PLK4: variants seen among roughly 807,000 people sequenced by gnomAD.
PLK4 encodes serine/threonine-protein kinase PLK4.
PLK4 carries 51 observed loss-of-function variants against 103.0 expected under a neutral mutation model. The ratio of observed to expected loss-of-function variants is 0.50; its 90% CI spans 0.40 to 0.63. The LOEUF (loss-of-function observed/expected upper bound fraction) is 0.63. PLK4 is among the 20% of genes least tolerant of loss of function. PLK4 has a pLI of 0.00. For missense variants in PLK4, 1,054 were observed against 1,151.0 expected (o/e 0.92, Z 1.22); for synonymous variants, 389 against 376.8 (o/e 1.03, Z -0.38).
At position 127,880,921 on chromosome 4, in the gene PLK4, G is replaced by A. The variant is rs1300820866; in HGVS notation, c.-214G>A. 3.4e-6 allele frequency: 2 copies of A among 590,184 alleles called. No individual in the cohort carries two copies. Among genetic ancestry groups the A allele is most frequent in the Admixed American group, 6.0e-5 (2 of 33,428 alleles). 36.6% of individuals were successfully genotyped at this position (590,184 alleles called of 1,614,324 possible). A position where few individuals can be genotyped will look rare whatever the true frequency, so the allele number is the denominator to read the frequency against. On this transcript the variant is annotated 5_prime_UTR_variant, in exon 1 of 16. Coordinates refer to ENST00000270861, the MANE Select transcript of PLK4 (RefSeq NM_014264.5). ...ACCAGCCTAGCTCGGACGGCAAGCG[G>A]CGGGAGATTTTCAAAATGGGAGCCC... is the stretch of plus-strand genomic sequence containing the variant.
intron 7 of PLK4, chr4:127,890,851 G>T (rs1735329373): frequency 3.2e-6 from 1 of 312,452 alleles, no homozygotes; most frequent in Non-Finnish European, 5.8e-6. Context: ...TCTACCTTCT[G>T]TTTGCTTTCT....
chr4:127,884,476 G>T (rs564553379), intron 4 of PLK4, among the ~76,000 whole-genome samples: 30 of 152,224 alleles, frequency 2.0e-4, no homozygotes, highest in East Asian at 1.7e-3. Flanking sequence ...TCTTGATAAT[G>T]ACTACTGCAG....
rs540017288 is a variant in PLK4 at position 127,898,777 on chromosome 4, C to T, written c.*236C>T. On this transcript the variant is annotated 3_prime_UTR_variant, in exon 16 of 16. Coordinates refer to ENST00000270861, the MANE Select transcript of PLK4 (RefSeq NM_014264.5). The stretch of plus-strand genomic sequence containing the variant: ...GACTTTGCTCTTAGACCATAACCCC[C>T]GAACTTACTATGTTCATATATTTGT... 10 of 349,180 alleles carry T rather than the reference C, an allele frequency of 2.9e-5. No homozygotes were observed. The highest frequency in any genetic ancestry group is 9.0e-5 in the Admixed American group (2 of 22,314). The allele number at this position is 349,180 out of a possible 1,614,324, so 21.6% of individuals were successfully genotyped here.
chr4:127,883,233 C>A, intron 2 of PLK4, 29 bp from the exon 3 acceptor site: 1 of 1,116,738 alleles, frequency 9.0e-7, no homozygotes, highest in African/African-American at 1.6e-5. Flanking sequence ...ATTTGAAAGT[C>A]TGTCAACATT....
Position 127,891,112 on chromosome 4 carries a change from G to T in PLK4, c.1851G>T (p.Glu617Asp). Residue 617 changes from glutamate (E) to aspartate (D), a missense_variant, in exon 8 of 16, where the codon GAG becomes GAT. This residue lies in a region of PLK4 where 680 missense variants were observed against 660.3 expected (regional missense o/e 1.03). Coordinates refer to ENST00000270861, the MANE Select transcript of PLK4 (RefSeq NM_014264.5). ...KKAVVSILDS[E>D]EVCVELVKEY... ...TTTAGGTGAGCATACTTGATTCAGAGGAGGTGTGTGTGGAGCTTGTAAAGG... is the reference window on the plus strand; with the variant it reads ...TTTAGGTGAGCATACTTGATTCAGATGAGGTGTGTGTGGAGCTTGTAAAGG... The T allele has an allele frequency of 6.3e-7, 1 of 1,581,572 alleles. No homozygotes were observed. Among genetic ancestry groups the T allele is most frequent in the Non-Finnish European group, 8.6e-7 (1 of 1,159,278 alleles).
At chr4:127,883,600 T>C (rs772287054) in intron 4 of PLK4, 47 bp downstream of exon 4, 1 of 817,402 alleles carries the variant, frequency 1.2e-6, no homozygotes, top group South Asian at 1.6e-5. Flanking sequence ...TGGATAAAAG[T>C]TTTGCATTTT....
rs1229852672 is a variant in PLK4, at chr4:127,893,340, G to A, written c.2244G>A (p.Lys748=). ...TTCAGGTGATTGAAAAGACAGGGAA[G>A]TCTTACACTTTAAAAAGTGAAAGTG... is the stretch of plus-strand genomic sequence containing the variant. ...DFIQVIEKTG[K]SYTLKSESEV... The change falls in exon 11 of 16, where the codon AAG becomes AAA. Residue 748 remains lysine, a synonymous_variant. Transcript: ENST00000270861. 2.5e-6 allele frequency: 4 copies of A among 1,603,468 alleles called. No individual in the cohort carries two copies. The highest frequency in any genetic ancestry group is 3.4e-6 in the Non-Finnish European group (4 of 1,171,952).
At position 127,883,247 on chromosome 4, in the gene PLK4, A is replaced by C. The variant is rs1249270155; in HGVS notation, c.127-15A>C. ...TATTTGAAAGTCTGTCAACATTTAA[A>C]CCTGTTATTTTTAGATAGATAAGAA... On this transcript the variant is annotated splice_polypyrimidine_tract_variant and intron_variant, in intron 2 of 15. Transcript: ENST00000270861. 7.6e-7 allele frequency: 1 copy of C among 1,316,976 alleles called. No individual in the cohort carries two copies. The highest frequency in any genetic ancestry group is 1.5e-5 in the African/African-American group (1 of 67,968). 81.6% of individuals were successfully genotyped at this position (1,316,976 alleles called of 1,614,324 possible). A position where few individuals can be genotyped will look rare whatever the true frequency, so the allele number is the denominator to read the frequency against.
At chr4:127,886,860 A>T (rs1735157509) in intron 5 of PLK4, 132 bp downstream of exon 5, 1 of 597,362 alleles carries the variant, frequency 1.7e-6, no homozygotes, top group Non-Finnish European at 2.9e-6. Context: ...CATGATTTTG[A>T]CCTGTGGTTA....
intron 4 of PLK4, among the ~76,000 whole-genome samples, chr4:127,885,462 C>CAGCA (rs1294726412): frequency 1.6e-5 from 2 of 123,094 alleles, no homozygotes; most frequent in Non-Finnish European, 3.2e-5. Flanking sequence ...CTGAGGGACA[C>CAGCA]AGCAAGACTC....
chr4:127,883,262 A>T lies in PLK4; in HGVS notation c.127A>T (p.Ile43Leu), dbSNP rs1734995665. The T allele has an allele frequency of 2.0e-6, 3 of 1,490,572 alleles. No homozygotes were observed. Among genetic ancestry groups the T allele is most frequent in the Non-Finnish European group, 2.8e-6 (3 of 1,081,638 alleles). 92.3% of individuals were successfully genotyped at this position (1,490,572 alleles called of 1,614,324 possible). ...CAACATTTAAACCTGTTATTTTTAGATAGATAAGAAAGCCATGTACAAAGC... is the reference window on the plus strand; with the variant it reads ...CAACATTTAAACCTGTTATTTTTAGTTAGATAAGAAAGCCATGTACAAAGC... ...HTGLEVAIKM[I>L]DKKAMYKAGM... Residue 43 changes from isoleucine to leucine, a missense_variant and splice_region_variant, in exon 3 of 16, where the codon ATA becomes TTA. Ile to Leu is a conservative substitution (Grantham distance 5). Transcript: ENST00000270861.
Position 127,891,688 on chromosome 4 carries a change from G to T in PLK4, c.2038+7G>T. The T allele has an allele frequency of 8.5e-7, 1 of 1,181,534 alleles. No individual in the cohort carries two copies. The highest frequency in any genetic ancestry group is 1.2e-6 in the Non-Finnish European group (1 of 847,946). The allele number at this position is 1,181,534 out of a possible 1,614,324, so 73.2% of individuals were successfully genotyped here. ...AGCTTTGACAATTTACCAGGTATGT[G>T]AATTTACCAGGGAATAAATTTTGAT... On this transcript the variant is annotated splice_region_variant and intron_variant, in intron 9 of 15. Coordinates refer to ENST00000270861, the MANE Select transcript of PLK4 (RefSeq NM_014264.5).
At chr4:127,884,158 A>G (rs1053467261) in intron 4 of PLK4, among the ~76,000 whole-genome samples, 3 of 152,246 alleles carry the variant, frequency 2.0e-5, no homozygotes, top group Non-Finnish European at 4.4e-5. Context: ...ACTATCAAAT[A>G]TATAGCTTCA....
At position 127,880,927 on chromosome 4, in the gene PLK4, G is replaced by A. The variant is rs1426155955; in HGVS notation, c.-208G>A. ...CTAGCTCGGACGGCAAGCGGCGGGAGATTTTCAAAATGGGAGCCCAGAGGC... is the reference window on the plus strand; with the variant it reads ...CTAGCTCGGACGGCAAGCGGCGGGAAATTTTCAAAATGGGAGCCCAGAGGC... On this transcript the variant is annotated 5_prime_UTR_variant, in exon 1 of 16. Coordinates refer to ENST00000270861, the MANE Select transcript of PLK4 (RefSeq NM_014264.5). 5.0e-6 allele frequency: 3 copies of A among 595,698 alleles called. No individual in the cohort carries two copies. The highest frequency in any genetic ancestry group is 4.5e-4 in the Middle Eastern group (1 of 2,242). The allele number at this position is 595,698 out of a possible 1,614,324, so 36.9% of individuals were successfully genotyped here.
intron 1 of PLK4, chr4:127,881,431 C>G: frequency 7.3e-7 from 1 of 1,378,882 alleles, no homozygotes; most frequent in Non-Finnish European, 9.5e-7. Context: ...AGCAATCCCG[C>G]CCGAGCTACC....
At chr4:127,890,301 A>G in intron 7 of PLK4, 65 bp downstream of exon 7, 3 of 1,359,062 alleles carry the variant, frequency 2.2e-6, no homozygotes, top group South Asian at 1.4e-5. Flanking sequence ...TCTTGAGAAC[A>G]TATTTTTTAG....
chr4:127,882,107 C>G (rs1305051343), intron 2 of PLK4, among the ~76,000 whole-genome samples, 181 bp downstream of exon 2: 2 of 152,154 alleles, frequency 1.3e-5, no homozygotes, highest in Non-Finnish European at 2.9e-5. Context: ...TTTAGGAAAG[C>G]CTTGACCTTG....
At chr4:127,889,352 T>A (rs1366269578) in intron 6 of PLK4, among the ~76,000 whole-genome samples, 6 of 152,202 alleles carry the variant, frequency 3.9e-5, no homozygotes, top group African/African-American at 1.4e-4. Context: ...AGTACATGTG[T>A]AATATTAAAT....
In PLK4 at chr4:127,887,463, G is replaced by C; in HGVS notation, c.1426G>C (p.Val476Leu). The C allele has an allele frequency of 6.2e-7, 1 of 1,607,706 alleles. No homozygotes were observed. The highest frequency in any genetic ancestry group is 8.5e-7 in the Non-Finnish European group (1 of 1,175,164). Residue 476 changes from valine (V) to leucine (L), a missense_variant, in exon 6 of 16, where the codon GTA becomes CTA. Val to Leu is a conservative substitution (Grantham distance 32). Around this residue, in one of 4 missense-constraint regions of PLK4, gnomAD observed 680 missense variants for 660.3 expected, o/e 1.03. Coordinates refer to ENST00000270861, the MANE Select transcript of PLK4 (RefSeq NM_014264.5). The stretch of plus-strand genomic sequence containing the variant: ...AGACCCGACACCTCAGACTGAAACC[G>C]TACAACAGTGGTTTGGGAATCTGCA... ...FADPTPQTET[V>L]QQWFGNLQIN...
Sources: allele counts gnomAD v4.1 joint callset (sites outside exome capture counted in the v4.1 genomes callset), GRCh38; gene constraint gnomAD v4.1.1; regional missense constraint gnomAD v4.1.1; transcripts MANE v1.5; gene names NCBI Gene and HGNC (gene_info 2026-07-23, HGNC 2026-07-21).